The following PCMTD1 variants were observed in gnomAD, a reference collection of about 807,000 sequenced individuals.
PCMTD1 encodes the protein protein-L-isoaspartate (D-aspartate) O-methyltransferase domain containing 1.
In PCMTD1, 12 loss-of-function variants were observed where a neutral mutation model predicts 37.6. The ratio of observed to expected loss-of-function variants is 0.32; its 90% CI spans 0.20 to 0.52. The LOEUF (loss-of-function observed/expected upper bound fraction) is 0.52, where lower values mean the gene tolerates loss of function less well. Ranked by LOEUF, PCMTD1 falls within the 20% of genes least tolerant of loss-of-function variation. The pLI, the probability that PCMTD1 is intolerant of heterozygous loss-of-function variation, is 0.97. For synonymous variants in PCMTD1, 117 were observed against 135.8 expected (o/e 0.86, Z 0.96); for missense variants, 235 against 421.3 (o/e 0.56, Z 3.87).
At chr8:51,829,065 G>A (rs2037962912) in intron 5 of PCMTD1, among the ~76,000 whole-genome samples, 1 of 152,120 alleles carries the variant, frequency 6.6e-6, no homozygotes, top group African/African-American at 2.4e-5. Flanking sequence ...GAAAAAACTG[G>A]TTGCTAACAT....
At chr8:51,823,966 T>C (rs1563334191) in intron 5 of PCMTD1, among the ~76,000 whole-genome samples, 1 of 152,194 alleles carries the variant, frequency 6.6e-6, no homozygotes, top group East Asian at 1.9e-4. Flanking sequence ...TCTCAACAGA[T>C]GCAGAAAAGG....
At chr8:51,849,961 G>A in intron 2 of PCMTD1, 1 of 664,212 alleles carries the variant, frequency 1.5e-6, no homozygotes, top group South Asian at 1.7e-5. Flanking sequence ...TGTGCCTTTA[G>A]TATTTTGTGT....
At chr8:51,839,486 C>A (rs1044635791) in intron 3 of PCMTD1, 2 of 985,278 alleles carry the variant, frequency 2.0e-6, no homozygotes, top group African/African-American at 3.5e-5. Flanking sequence ...GTTGGAATAT[C>A]TTCATCTTGA....
chr8:51,823,613 A>G (rs535294315), intron 5 of PCMTD1, among the ~76,000 whole-genome samples: 1 of 152,348 alleles, frequency 6.6e-6, no homozygotes, highest in South Asian at 2.1e-4. Context: ...TTTAACAGAT[A>G]AGACAATACT....
chr8:51,851,116 A>C (rs549669601), intron 2 of PCMTD1, among the ~76,000 whole-genome samples: 1 of 152,328 alleles, frequency 6.6e-6, no homozygotes, highest in African/African-American at 2.4e-5. Flanking sequence ...ATGGGGAAAA[A>C]CATCAAACAC....
chr8:51,880,039 A>T (rs1038551315), intron 1 of PCMTD1, among the ~76,000 whole-genome samples: 4 of 150,658 alleles, frequency 2.7e-5, no homozygotes, highest in Middle Eastern at 3.4e-3. Flanking sequence ...AAAAAGTTTA[A>T]AAAAAAAAAT....
chr8:51,876,908 AGT>A (rs1344634206), intron 1 of PCMTD1, among the ~76,000 whole-genome samples: 2 of 152,234 alleles, frequency 1.3e-5, no homozygotes, highest in Non-Finnish European at 2.9e-5. Context: ...TGCTAAAACC[AGT>A]GTGTGAAAAT....
At chr8:51,873,902 T>TTTTTTC (rs550662534) in intron 1 of PCMTD1, among the ~76,000 whole-genome samples, 2 of 151,862 alleles carry the variant, frequency 1.3e-5, no homozygotes, top group Non-Finnish European at 2.9e-5. Context: ...TATTTCTTTT[T>TTTTTTC]TTTTTCTTTT....
intron 1 of PCMTD1, among the ~76,000 whole-genome samples, chr8:51,863,993 T>A (rs2038513569): frequency 6.6e-6 from 1 of 151,742 alleles, no homozygotes; most frequent in Non-Finnish European, 1.5e-5. Flanking sequence ...CTGAATGGAT[T>A]AGAAAGGCAA....
In PCMTD1 at chr8:51,817,993, T is replaced by C. The variant is rs1253748091; in HGVS notation, c.*2358A>G. On this transcript the variant is annotated 3_prime_UTR_variant, in exon 6 of 6. Transcript: ENST00000522514. The stretch of plus-strand genomic sequence containing the variant: ...AACTAGCTATAAAATTCCAATACTA[T>C]ATTCCCCATCATTTTCACTTACTTT... 6.6e-6 allele frequency: 3 copies of C among 454,996 alleles called. No individual in the cohort carries two copies. The highest frequency in any genetic ancestry group is 2.4e-5 in the Admixed American group (1 of 42,422). 28.2% of individuals were successfully genotyped at this position (454,996 alleles called of 1,614,324 possible).
intron 2 of PCMTD1, among the ~76,000 whole-genome samples, chr8:51,859,441 C>T (rs889781181): frequency 3.9e-5 from 6 of 152,160 alleles, no homozygotes; most frequent in Non-Finnish European, 7.4e-5. Context: ...TTCTCTTTAT[C>T]GATGAAAATT....
chr8:51,852,176 T>C (rs546751573), intron 2 of PCMTD1, among the ~76,000 whole-genome samples: 1 of 152,272 alleles, frequency 6.6e-6, no homozygotes, highest in South Asian at 2.1e-4. Flanking sequence ...ATTTCAAGGG[T>C]AGGAGATGTG....
chr8:51,818,101 C>G lies in PCMTD1; in HGVS notation c.*2250G>C. Reference sequence around the variant, plus strand: ...AAACATAAATTCATTAAAAAATAAACACAAACCCAAAATATTCTTATTCTA... The same window carrying G: ...AAACATAAATTCATTAAAAAATAAAGACAAACCCAAAATATTCTTATTCTA... On this transcript the variant is annotated 3_prime_UTR_variant, in exon 6 of 6. Coordinates refer to ENST00000522514, the MANE Select transcript of PCMTD1 (RefSeq NM_052937.4). The G allele has an allele frequency of 2.8e-6, 1 of 361,190 alleles. No homozygotes were observed. 22.4% of individuals were successfully genotyped at this position (361,190 alleles called of 1,614,324 possible). A position where few individuals can be genotyped will look rare whatever the true frequency, so the allele number is the denominator to read the frequency against.
intron 2 of PCMTD1, among the ~76,000 whole-genome samples, chr8:51,846,553 A>G (rs1219464391): frequency 2.0e-5 from 3 of 152,208 alleles, no homozygotes; most frequent in Non-Finnish European, 4.4e-5. Context: ...GTCCCTTTTC[A>G]ACTTCTGAAA....
chr8:51,872,765 C>A (rs10105030), intron 1 of PCMTD1, among the ~76,000 whole-genome samples: 77,135 of 152,044 alleles, frequency 0.51, 23,665 homozygotes, highest in Non-Finnish European at 0.68. Flanking sequence ...TGTATCTGTT[C>A]CCTTCCATGA....
intron 1 of PCMTD1, among the ~76,000 whole-genome samples, chr8:51,870,772 A>G (rs1391019767): frequency 1.3e-5 from 2 of 152,222 alleles, no homozygotes; most frequent in Non-Finnish European, 2.9e-5. Context: ...ACTTTTCATT[A>G]ACTTTTAGCT....
At chr8:51,885,342 A>G (rs1024136505) in intron 1 of PCMTD1, among the ~76,000 whole-genome samples, 8 of 152,188 alleles carry the variant, frequency 5.3e-5, no homozygotes, top group Non-Finnish European at 1.0e-4. Flanking sequence ...AGCTGTCACA[A>G]TGATCAGAGA....
intron 1 of PCMTD1, among the ~76,000 whole-genome samples, chr8:51,889,939 G>A (rs2038914333): frequency 6.8e-6 from 1 of 146,098 alleles, no homozygotes; most frequent in South Asian, 2.2e-4. Context: ...ATTTTATTGT[G>A]CTGCCTAGAT....
At chr8:51,898,219 A>G (rs1223163916) in intron 1 of PCMTD1, among the ~76,000 whole-genome samples, 1 of 152,222 alleles carries the variant, frequency 6.6e-6, no homozygotes, top group African/African-American at 2.4e-5. Flanking sequence ...AAAAGAGGAC[A>G]CACGAAAACA....
Sources: allele counts gnomAD v4.1 joint callset (sites outside exome capture counted in the v4.1 genomes callset), GRCh38; gene constraint gnomAD v4.1.1; transcripts MANE v1.5; gene names NCBI Gene and HGNC (gene_info 2026-07-23, HGNC 2026-07-21).